The following AAK1 variants were observed in gnomAD, a reference collection of about 807,000 sequenced individuals.
AAK1 encodes the protein AP2-associated protein kinase 1.
A neutral mutation model predicts 116.0 loss-of-function variants in AAK1; 37 were observed. The ratio of observed to expected loss-of-function variants is 0.32; its 90% CI spans 0.25 to 0.42. AAK1 has a LOEUF of 0.42. Ranked by LOEUF, AAK1 falls within the 10% of genes least tolerant of loss-of-function variation. The probability of loss-of-function intolerance (pLI) is 1.00; values close to 1 mark genes in which losing one functional copy is unlikely to be tolerated. For missense variants in AAK1, 919 were observed against 1,170.6 expected (o/e 0.79, Z 3.14); for synonymous variants, 458 against 439.9 (o/e 1.04, Z -0.51).
chr2:69,610,297 T>C (rs1227712118), intron 2 of AAK1, among the ~76,000 whole-genome samples: 1 of 152,096 alleles, frequency 6.6e-6, no homozygotes, highest in Admixed American at 6.5e-5. Flanking sequence ...GAAAACTGGA[T>C]ACCCACATGC....
chr2:69,506,313 C>T (rs1676183165), intron 15 of AAK1, among the ~76,000 whole-genome samples: 1 of 152,030 alleles, frequency 6.6e-6, no homozygotes, highest in Non-Finnish European at 1.5e-5. Context: ...ACAAAGTTGC[C>T]AAAAAAGTTA....
Position 69,467,531 on chromosome 2 carries a change from TAAAGGTA to T in AAK1, c.*8331_*8337del. 4.1e-6 allele frequency: 4 copies of T among 985,280 alleles called. No homozygotes were observed. Among genetic ancestry groups the T allele is most frequent in the Non-Finnish European group, 3.6e-6 (3 of 829,880 alleles). The allele number at this position is 985,280 out of a possible 1,614,324, so 61.0% of individuals were successfully genotyped here. Reference sequence around the variant, plus strand: ...AATCCAGAGAAAGGGTGGTTGGGGGTAAAGGTATCATTTCATCATGGGCTCAGTAAAG... The same window carrying T: ...AATCCAGAGAAAGGGTGGTTGGGGGTTCATTTCATCATGGGCTCAGTAAAG... On this transcript the variant is annotated 3_prime_UTR_variant, in exon 22 of 22. Transcript: ENST00000409085.
At chr2:69,497,254 T>C (rs896329917) in intron 16 of AAK1, among the ~76,000 whole-genome samples, 2 of 151,064 alleles carry the variant, frequency 1.3e-5, no homozygotes, top group Non-Finnish European at 1.5e-5. Flanking sequence ...GTAGCTAGGA[T>C]TACAGGCATG....
In AAK1 at chr2:69,507,571, T is replaced by C. The variant is rs1676233130; in HGVS notation, c.2014A>G (p.Thr672Ala). The change falls in exon 15 of 22, where the codon ACC becomes GCC. Residue 672 changes from threonine to alanine, a missense_variant. Coordinates refer to ENST00000409085, the MANE Select transcript of AAK1 (RefSeq NM_014911.5). Reference protein sequence around the residue: ...EASLNKSKSATTTPSGSPRTS... With the variant: ...EASLNKSKSAATTPSGSPRTS... ...CGAGGAGAGCCTGATGGAGTGGTGG[T>C]TGCAGACCTAGGTAGGTTCCCACCC... 6.2e-7 allele frequency: 1 copy of C among 1,609,304 alleles called. No individual in the cohort carries two copies.
At chr2:69,512,945 C>T (rs748568928) in intron 13 of AAK1, among the ~76,000 whole-genome samples, 1 of 152,206 alleles carries the variant, frequency 6.6e-6, no homozygotes. Context: ...GCCCCAGCTC[C>T]ACTACCATCA....
At position 69,463,933 on chromosome 2, in the gene AAK1, G is replaced by A. The variant is rs1674407266; in HGVS notation, c.*11936C>T. ...TCCAAAATGCTGGTATTACAGGTGT[G>A]TGGCACTGCACCTGGCCAGCTTTAT... On this transcript the variant is annotated 3_prime_UTR_variant, in exon 22 of 22. Transcript: ENST00000409085. The A allele has an allele frequency of 6.6e-6, 1 of 152,552 alleles. No individual in the cohort carries two copies. Among genetic ancestry groups the A allele is most frequent in the South Asian group, 2.1e-4 (1 of 4,834 alleles). The allele number at this position is 152,552 out of a possible 1,614,324, so 9.4% of individuals were successfully genotyped here.
chr2:69,472,082 T>C lies in AAK1; in HGVS notation c.*3787A>G. The C allele has an allele frequency of 2.0e-6, 2 of 985,108 alleles. No individual in the cohort carries two copies. Among genetic ancestry groups the C allele is most frequent in the Non-Finnish European group, 2.4e-6 (2 of 829,650 alleles). 61.0% of individuals were successfully genotyped at this position (985,108 alleles called of 1,614,324 possible). On this transcript the variant is annotated 3_prime_UTR_variant, in exon 22 of 22. Coordinates refer to ENST00000409085, the MANE Select transcript of AAK1 (RefSeq NM_014911.5). The stretch of plus-strand genomic sequence containing the variant: ...TTTAATACCCATATCTTTCAATGTT[T>C]TAAACCATTCTAAAGACTAAGGAAT...
Position 69,474,487 on chromosome 2 carries a change from A to T in AAK1, c.*1382T>A. 1 of 985,202 alleles carries T rather than the reference A, an allele frequency of 1.0e-6. No individual in the cohort carries two copies. Among genetic ancestry groups the T allele is most frequent in the African/African-American group, 1.7e-5 (1 of 57,324 alleles). 61.0% of individuals were successfully genotyped at this position (985,202 alleles called of 1,614,324 possible). On this transcript the variant is annotated 3_prime_UTR_variant, in exon 22 of 22. Transcript: ENST00000409085. ...TTGTCATGTTAGTGCAGGGGCCTTT[A>T]TTTATTTTATGAACAATATCCTAAA...
Position 69,460,730 on chromosome 2 carries a change from T to A in AAK1, c.*15139A>T, listed in dbSNP as rs1231469732. ...GCAGCTGCTTCAGCATCAAATTGTG[T>A]TCATCCCATTTTCTAATCTAACCAA... On this transcript the variant is annotated 3_prime_UTR_variant, in exon 22 of 22. Coordinates refer to ENST00000409085, the MANE Select transcript of AAK1 (RefSeq NM_014911.5). 1 of 152,222 alleles carries A rather than the reference T, an allele frequency of 6.6e-6. No homozygotes were observed. Among genetic ancestry groups the A allele is most frequent in the Non-Finnish European group, 1.5e-5 (1 of 68,042 alleles). 9.4% of individuals were successfully genotyped at this position (152,222 alleles called of 1,614,324 possible). A position where few individuals can be genotyped will look rare whatever the true frequency, so the allele number is the denominator to read the frequency against.
chr2:69,480,010 C>A (rs1434288087), intron 19 of AAK1, among the ~76,000 whole-genome samples: 1 of 152,166 alleles, frequency 6.6e-6, no homozygotes, highest in South Asian at 2.1e-4. Flanking sequence ...CCACTTCAGT[C>A]TCCCAAAGTG....
At chr2:69,558,720 T>C (rs1007116341) in intron 2 of AAK1, among the ~76,000 whole-genome samples, 3 of 152,200 alleles carry the variant, frequency 2.0e-5, no homozygotes, top group Admixed American at 2.0e-4. Flanking sequence ...GAATTTGAAT[T>C]GGGGTTATGA....
At chr2:69,541,385 T>C (rs900477042) in intron 5 of AAK1, among the ~76,000 whole-genome samples, 5 of 151,856 alleles carry the variant, frequency 3.3e-5, no homozygotes, top group Non-Finnish European at 7.4e-5. Flanking sequence ...CATGCGCTAC[T>C]ACACCCGGCT....
At chr2:69,609,534 T>C (rs1020174166) in intron 2 of AAK1, among the ~76,000 whole-genome samples, 1 of 150,036 alleles carries the variant, frequency 6.7e-6, no homozygotes, top group African/African-American at 2.5e-5. Flanking sequence ...ATACAAAAAT[T>C]AGTCAGGCAC....
rs1212596095 is a variant in AAK1 at position 69,465,845 on chromosome 2, G to A, written c.*10024C>T. The A allele has an allele frequency of 1.5e-6, 2 of 1,290,780 alleles. No homozygotes were observed. The highest frequency in any genetic ancestry group is 1.1e-4 in the East Asian group (2 of 18,014). The allele number at this position is 1,290,780 out of a possible 1,614,324, so 80.0% of individuals were successfully genotyped here. A position where few individuals can be genotyped will look rare whatever the true frequency, so the allele number is the denominator to read the frequency against. On this transcript the variant is annotated 3_prime_UTR_variant, in exon 22 of 22. Coordinates refer to ENST00000409085, the MANE Select transcript of AAK1 (RefSeq NM_014911.5). ...AACCAGCTGTGGAATACTGAGCTTG[G>A]ACAGAGGTGTACACAGCTCTCTCAC...
chr2:69,577,832 C>T (rs1672375975), intron 2 of AAK1, among the ~76,000 whole-genome samples: 1 of 152,190 alleles, frequency 6.6e-6, no homozygotes, highest in Admixed American at 6.5e-5. Flanking sequence ...CCCATGGGGG[C>T]TAGCGCTGTA....
chr2:69,487,894 A>T (rs1193085061), intron 17 of AAK1, among the ~76,000 whole-genome samples: 1 of 151,110 alleles, frequency 6.6e-6, no homozygotes, highest in Non-Finnish European at 1.5e-5. Context: ...GGTTCAAGCA[A>T]TTCTCCCGCC....
chr2:69,549,213 A>T lies in AAK1; in HGVS notation c.283-4669T>A, dbSNP rs541563806. 8.5e-5 allele frequency among the ~76,000 whole-genome samples: 13 copies of T among 152,220 alleles called. No homozygotes were observed. In the East Asian group the frequency reaches 2.3e-3, roughly 27 times the overall value. On this transcript the variant is annotated intron_variant, in intron 3 of 21. Coordinates refer to ENST00000409085, the MANE Select transcript of AAK1 (RefSeq NM_014911.5). Reference sequence around the variant, plus strand: ...GTGAAACCGCGTCTCTACTAAAAACACAAAAATTAGCCAGGCGTGGTGGCA... The same window carrying T: ...GTGAAACCGCGTCTCTACTAAAAACTCAAAAATTAGCCAGGCGTGGTGGCA...
intron 13 of AAK1, among the ~76,000 whole-genome samples, chr2:69,510,734 A>G (rs963266483): frequency 5.9e-5 from 9 of 152,230 alleles, no homozygotes; most frequent in Admixed American, 1.3e-4. Context: ...GGATGGGTAT[A>G]TAAGATCCTA....
At chr2:69,483,640 C>T (rs1675181661) in intron 17 of AAK1, among the ~76,000 whole-genome samples, 2 of 152,132 alleles carry the variant, frequency 1.3e-5, no homozygotes, top group South Asian at 4.1e-4. Context: ...CAGTTTATAA[C>T]TCACCAAGAT....
Sources: gnomAD v4.1 joint callset for allele counts (sites outside exome capture counted in the v4.1 genomes callset) on GRCh38, gnomAD v4.1.1 for gene constraint, MANE v1.5 for transcripts, NCBI Gene and HGNC (gene_info 2026-07-23, HGNC 2026-07-21) for gene names.